The following COMMD10 variants were observed in gnomAD, a reference collection of about 807,000 sequenced individuals.
COMMD10 encodes COMM domain-containing protein 10.
A neutral mutation model predicts 28.9 loss-of-function variants in COMMD10; 33 were observed. That is an observed-to-expected ratio of 1.14 (90% CI 0.87 to 1.53). COMMD10 has a LOEUF of 1.53. COMMD10 is among the 40% of genes most tolerant of loss of function. The pLI is 0.00. For synonymous variants in COMMD10, 110 were observed against 81.7 expected, an observed-to-expected ratio of 1.35 and a Z score of -1.87; for missense variants, 310 against 233.4, an observed-to-expected ratio of 1.33 and a Z score of -2.14.
chr5:116,173,200 GA>G lies in COMMD10; in HGVS notation c.510+39029del, dbSNP rs1218088306. 7.9e-5 allele frequency among the ~76,000 whole-genome samples: 12 copies of G among 152,064 alleles called. 2 individuals carry two copies. The South Asian group carries it at 2.5e-3, about 32-fold the overall frequency. On this transcript the variant is annotated intron_variant, in intron 5 of 6. Transcript: ENST00000274458. ...TCCATTTTTGAAGTAGTTTACAAAT[GA>G]AAAAAATTGTATGAATGCCTTGGCA...
chr5:116,149,367 A>T (rs1341311021), intron 5 of COMMD10, among the ~76,000 whole-genome samples: 3 of 142,086 alleles, frequency 2.1e-5, no homozygotes, highest in Non-Finnish European at 4.5e-5. Context: ...TTGGGTATAT[A>T]CCGAGTAGTG....
chr5:116,198,785 C>T (rs1461232790), intron 5 of COMMD10, among the ~76,000 whole-genome samples: 1 of 152,086 alleles, frequency 6.6e-6, no homozygotes, highest in African/African-American at 2.4e-5. Flanking sequence ...TTTCATGCAT[C>T]GATAGCTCAT....
intron 5 of COMMD10, among the ~76,000 whole-genome samples, chr5:116,200,411 T>C (rs1384737507): frequency 6.6e-6 from 1 of 152,116 alleles, no homozygotes; most frequent in Non-Finnish European, 1.5e-5. Flanking sequence ...GTAGTTTCTT[T>C]GGCATTTATC....
chr5:116,287,434 T>G (rs1455632174), intron 5 of COMMD10, among the ~76,000 whole-genome samples: 1 of 151,816 alleles, frequency 6.6e-6, no homozygotes, highest in African/African-American at 2.4e-5. Flanking sequence ...GGATATCTTT[T>G]TCCATCCTTT....
intron 5 of COMMD10, among the ~76,000 whole-genome samples, chr5:116,138,815 T>C (rs1400062153): frequency 2.0e-5 from 3 of 151,806 alleles, no homozygotes; most frequent in Non-Finnish European, 4.4e-5. Context: ...TTCCAAAATA[T>C]ATGACAAATT....
intron 4 of COMMD10, among the ~76,000 whole-genome samples, chr5:116,127,763 C>A (rs1478153461): frequency 6.6e-6 from 1 of 152,028 alleles, no homozygotes; most frequent in Non-Finnish European, 1.5e-5. Context: ...ACATCACACA[C>A]TGGGGCCTGT....
At position 116,279,455 on chromosome 5, in the gene COMMD10, G is replaced by C. The variant is rs115984223; in HGVS notation, c.511-12062G>C. Among the ~76,000 whole-genome samples the C allele has an allele frequency of 8.7e-4, 132 of 151,844 alleles. 3 individuals are homozygous for C. Among genetic ancestry groups the C allele is most frequent in the African/African-American group, 3.1e-3 (126 of 41,254 alleles). ...TTATCAAACTTTGATGTAAGCTCAG[G>C]AGTTTCCGTTTGCCCAGTGCCCTTC... On this transcript the variant is annotated intron_variant, in intron 5 of 6. Transcript: ENST00000274458.
At chr5:116,152,894 T>C (rs1752578672) in intron 5 of COMMD10, among the ~76,000 whole-genome samples, 1 of 152,132 alleles carries the variant, frequency 6.6e-6, no homozygotes, top group Non-Finnish European at 1.5e-5. Flanking sequence ...GAAATCTTTT[T>C]TTGCTATAAA....
intron 5 of COMMD10, among the ~76,000 whole-genome samples, chr5:116,279,865 C>A (rs1352136014): frequency 1.3e-5 from 2 of 151,700 alleles, no homozygotes; most frequent in Non-Finnish European, 2.9e-5. Context: ...CAGTGTGACA[C>A]CCCATCCGCT....
intron 5 of COMMD10, among the ~76,000 whole-genome samples, chr5:116,264,502 C>T (rs150607070): frequency 1.1e-4 from 17 of 151,908 alleles, no homozygotes; most frequent in Admixed American, 1.1e-3. Context: ...ATATTTTCTA[C>T]AACTCTCAGT....
At chr5:116,251,208 A>G (rs527564317) in intron 5 of COMMD10, among the ~76,000 whole-genome samples, 2 of 152,020 alleles carry the variant, frequency 1.3e-5, no homozygotes, top group East Asian at 1.9e-4. Context: ...TTTATTGTTC[A>G]TTAAGTATTT....
At chr5:116,106,466 T>C (rs1253856679) in intron 4 of COMMD10, among the ~76,000 whole-genome samples, 1 of 152,194 alleles carries the variant, frequency 6.6e-6, no homozygotes, top group South Asian at 2.1e-4. Flanking sequence ...TTCTGTTGAT[T>C]TGGTGTGGAG....
At chr5:116,275,787 A>G (rs926455039) in intron 5 of COMMD10, among the ~76,000 whole-genome samples, 3 of 151,724 alleles carry the variant, frequency 2.0e-5, no homozygotes, top group Non-Finnish European at 4.4e-5. Context: ...TATGTAGAAC[A>G]TCAGATCCTA....
chr5:116,190,760 A>G (rs1748343574), intron 5 of COMMD10, among the ~76,000 whole-genome samples: 1 of 152,228 alleles, frequency 6.6e-6, no homozygotes, highest in African/African-American at 2.4e-5. Flanking sequence ...TGAAATACTA[A>G]TCCTGAAAGA....
intron 5 of COMMD10, among the ~76,000 whole-genome samples, chr5:116,200,337 T>G (rs1461966059): frequency 6.6e-6 from 1 of 152,106 alleles, no homozygotes; most frequent in Non-Finnish European, 1.5e-5. Context: ...TTCACCACTT[T>G]GGCATCTTTC....
chr5:116,162,527 A>G (rs1389355987), intron 5 of COMMD10, among the ~76,000 whole-genome samples: 5 of 152,232 alleles, frequency 3.3e-5, no homozygotes, highest in Non-Finnish European at 1.5e-5. Context: ...CTGCTACTAC[A>G]TAGTAGCACA....
At chr5:116,261,960 A>C (rs1467147541) in intron 5 of COMMD10, among the ~76,000 whole-genome samples, 1 of 151,712 alleles carries the variant, frequency 6.6e-6, no homozygotes, top group Non-Finnish European at 1.5e-5. Flanking sequence ...TATTCTAAGC[A>C]CTTTACATGT....
intron 4 of COMMD10, among the ~76,000 whole-genome samples, chr5:116,099,057 T>C (rs886277620): frequency 6.6e-6 from 1 of 152,184 alleles, no homozygotes; most frequent in Non-Finnish European, 1.5e-5. Context: ...CACCATGCCA[T>C]ACATTAGATT....
chr5:116,211,314 A>G (rs1748957006), intron 5 of COMMD10, among the ~76,000 whole-genome samples: 1 of 152,148 alleles, frequency 6.6e-6, no homozygotes, highest in Non-Finnish European at 1.5e-5. Flanking sequence ...AGCCTACTAC[A>G]CAGCTATGCT....
Sources: gnomAD v4.1 joint callset for allele counts (sites outside exome capture counted in the v4.1 genomes callset) on GRCh38, gnomAD v4.1.1 for gene constraint, MANE v1.5 for transcripts, NCBI Gene and HGNC (gene_info 2026-07-23, HGNC 2026-07-21) for gene names.